MAP3K2: variants seen among roughly 807,000 people sequenced by gnomAD.
MAP3K2 encodes mitogen-activated protein kinase kinase kinase 2.
MAP3K2 carries 24 observed loss-of-function variants against 80.3 expected under a neutral mutation model. That is an observed-to-expected ratio of 0.30 (90% CI 0.22 to 0.42). The LOEUF (loss-of-function observed/expected upper bound fraction) is 0.42, where lower values mean the gene tolerates loss of function less well. MAP3K2 is among the 10% of genes least tolerant of loss of function. The pLI, the probability that MAP3K2 is intolerant of heterozygous loss-of-function variation, is 1.00. For synonymous variants in MAP3K2, 244 were observed against 253.7 expected (o/e 0.96, Z 0.36); for missense variants, 608 against 750.1 (o/e 0.81, Z 2.21).
rs1353002096 is a variant in MAP3K2 at position 127,321,770 on chromosome 2, T to C, written c.1045+276A>G. On this transcript the variant is annotated intron_variant, in intron 12 of 16. Coordinates refer to ENST00000682094, the MANE Select transcript of MAP3K2 (RefSeq NM_001371910.2). This position sits in a 1 kb window ranked among gnomAD's most constrained non-coding sequence, Gnocchi z 4.4. ...GAGATTATGTTTGAAATCTCAGTGG[T>C]AGGCATTCAACAAGGATATGTGGAA... is the stretch of plus-strand genomic sequence containing the variant. Among the ~76,000 whole-genome samples, 3 of 152,228 alleles carry C rather than the reference T, an allele frequency of 2.0e-5. No individual in the cohort carries two copies. Among genetic ancestry groups the C allele is most frequent in the Admixed American group, 2.0e-4 (3 of 15,280 alleles).
chr2:127,330,611 G>C, intron 5 of MAP3K2, 106 bp from the exon 6 acceptor site: 1 of 554,658 alleles, frequency 1.8e-6, no homozygotes, highest in Non-Finnish European at 3.2e-6. Context: ...CTTGCTCTTT[G>C]ATTTGTTACT....
intron 1 of MAP3K2, among the ~76,000 whole-genome samples, chr2:127,365,887 A>G (rs2104879233): frequency 6.6e-6 from 1 of 152,160 alleles, no homozygotes; most frequent in East Asian, 1.9e-4. Flanking sequence ...CCCTTATTCC[A>G]TAATATCATA....
rs1045759527 is a variant in MAP3K2 at position 127,298,834 on chromosome 2, C to T, written c.*8745G>A. On this transcript the variant is annotated 3_prime_UTR_variant, in exon 17 of 17. Coordinates refer to ENST00000682094, the MANE Select transcript of MAP3K2 (RefSeq NM_001371910.2). ...TTTTCATTGTGCTAATTATTGCAGG[C>T]CTTCATGCACGTAAACCTCAACAAA... 1 of 152,170 alleles carries T rather than the reference C, an allele frequency of 6.6e-6. No individual in the cohort carries two copies. The highest frequency in any genetic ancestry group is 1.9e-4 in the East Asian group (1 of 5,184). 9.4% of individuals were successfully genotyped at this position (152,170 alleles called of 1,614,324 possible). A position where few individuals can be genotyped will look rare whatever the true frequency, so the allele number is the denominator to read the frequency against.
chr2:127,352,823 C>T (rs975864641), intron 1 of MAP3K2, among the ~76,000 whole-genome samples: 2 of 152,030 alleles, frequency 1.3e-5, no homozygotes, highest in African/African-American at 2.4e-5. Flanking sequence ...CTCAGCCTGC[C>T]GAGTGCCTGC....
intron 2 of MAP3K2, among the ~76,000 whole-genome samples, chr2:127,341,649 C>A (rs945796406): frequency 1.3e-5 from 2 of 150,438 alleles, no homozygotes; most frequent in African/African-American, 4.9e-5. Flanking sequence ...TCTCCTGGCT[C>A]AGCCTCCTGA....
intron 1 of MAP3K2, among the ~76,000 whole-genome samples, chr2:127,358,917 TAA>T (rs564351324): frequency 3.8e-5 from 5 of 133,270 alleles, no homozygotes; most frequent in East Asian, 2.1e-4. Flanking sequence ...TCCAAAACAA[TAA>T]AAAAAAAAAA....
intron 3 of MAP3K2, 68 bp from the exon 4 acceptor site, chr2:127,337,846 T>A: frequency 1.1e-6 from 1 of 919,708 alleles, no homozygotes; most frequent in South Asian, 1.8e-5. Context: ...ATAAAATTTC[T>A]ACAATTTCTA....
chr2:127,370,114 G>A (rs1301346400), intron 1 of MAP3K2, among the ~76,000 whole-genome samples: 2 of 142,904 alleles, frequency 1.4e-5, no homozygotes, highest in Non-Finnish European at 3.1e-5. Flanking sequence ...GACTAGCGGG[G>A]GGTGGGGGTG....
At chr2:127,308,527 C>A in intron 16 of MAP3K2, 58 bp downstream of exon 16, 1 of 1,426,276 alleles carries the variant, frequency 7.0e-7, no homozygotes, top group Non-Finnish European at 9.4e-7. Flanking sequence ...AATTCAATCC[C>A]AGGTGGAAAT....
chr2:127,387,811 A>C lies in MAP3K2; in HGVS notation c.-425T>G. 1 of 984,832 alleles carries C rather than the reference A, an allele frequency of 1.0e-6. No homozygotes were observed. Among genetic ancestry groups the C allele is most frequent in the Non-Finnish European group, 1.2e-6 (1 of 829,726 alleles). The allele number at this position is 984,832 out of a possible 1,614,324, so 61.0% of individuals were successfully genotyped here. On this transcript the variant is annotated 5_prime_UTR_variant, in exon 1 of 17. Coordinates refer to ENST00000682094, the MANE Select transcript of MAP3K2 (RefSeq NM_001371910.2). ...CGCTAGAGACCGGAGAAGAGGCGGG[A>C]GTGGCGACTCTGCGGACAGGGGCGC...
chr2:127,387,972 T>C lies in MAP3K2; in HGVS notation c.-586A>G. 9.1e-6 allele frequency: 9 copies of C among 984,112 alleles called. No homozygotes were observed. The highest frequency in any genetic ancestry group is 9.6e-6 in the Non-Finnish European group (8 of 829,506). The allele number at this position is 984,112 out of a possible 1,614,324, so 61.0% of individuals were successfully genotyped here. On this transcript the variant is annotated 5_prime_UTR_variant, in exon 1 of 17. Transcript: ENST00000682094. Reference sequence around the variant, plus strand: ...CCGGCAGCCACTACACACGGACCCGTGACGTCGGGCGTAGCGCGGCGCACG... The same window carrying C: ...CCGGCAGCCACTACACACGGACCCGCGACGTCGGGCGTAGCGCGGCGCACG...
At chr2:127,374,025 A>G (rs1164266609) in intron 1 of MAP3K2, among the ~76,000 whole-genome samples, 1 of 152,182 alleles carries the variant, frequency 6.6e-6, no homozygotes. Context: ...CCCCATACCT[A>G]ATGCTTTAAC....
intron 1 of MAP3K2, among the ~76,000 whole-genome samples, chr2:127,348,049 A>G (rs1431169419): frequency 6.6e-6 from 1 of 152,148 alleles, no homozygotes; most frequent in East Asian, 1.9e-4. Context: ...AATGTCCATC[A>G]ACTGATGAAG....
intron 11 of MAP3K2, among the ~76,000 whole-genome samples, chr2:127,323,125 G>C (rs1329707906): frequency 6.6e-6 from 1 of 151,072 alleles, no homozygotes; most frequent in African/African-American, 2.4e-5. Context: ...AATTAGGCCG[G>C]GCACGGTGGC....
intron 1 of MAP3K2, among the ~76,000 whole-genome samples, chr2:127,366,164 G>C (rs1404288761): frequency 6.6e-6 from 1 of 152,128 alleles, no homozygotes; most frequent in Non-Finnish European, 1.5e-5. Context: ...TTTGCAAAAA[G>C]CAATATTTAA....
rs114090016 is a variant in MAP3K2 at position 127,387,063 on chromosome 2, A to G, written c.-66+389T>C. On this transcript the variant is annotated intron_variant, in intron 1 of 16. Transcript: ENST00000682094. ...GCTACCTAAATATTCCGTAAAGAGA[A>G]AAGGGGGAAACAACCTTACATCAAA... 5.1e-3 allele frequency among the ~76,000 whole-genome samples: 777 copies of G among 152,202 alleles called. 11 individuals are homozygous for G. The highest frequency in any genetic ancestry group is 0.018 in the African/African-American group (738 of 41,462).
rs896204451 is a variant in MAP3K2, at chr2:127,322,759, A to G, written c.839-507T>C. Among the ~76,000 whole-genome samples, 1 of 151,438 alleles carries G rather than the reference A, an allele frequency of 6.6e-6. No homozygotes were observed. Among genetic ancestry groups the G allele is most frequent in the East Asian group, 2.0e-4 (1 of 5,056 alleles). On this transcript the variant is annotated intron_variant, in intron 11 of 16. Transcript: ENST00000682094. This position sits in a 1 kb window ranked among gnomAD's most constrained non-coding sequence, Gnocchi z 4.2. ...CAGGCGCCCACCACCATGCCCAGCTAATTTTTTGTATTTTTAGTAGAGACG... is the reference window on the plus strand; with the variant it reads ...CAGGCGCCCACCACCATGCCCAGCTGATTTTTTGTATTTTTAGTAGAGACG...
intron 1 of MAP3K2, among the ~76,000 whole-genome samples, chr2:127,362,933 G>A (rs1278015146): frequency 2.0e-5 from 3 of 152,112 alleles, no homozygotes; most frequent in African/African-American, 7.2e-5. Context: ...TGCACATTCC[G>A]CATGTGTGGA....
chr2:127,344,915 G>A (rs1686569576), intron 1 of MAP3K2, among the ~76,000 whole-genome samples: 1 of 152,126 alleles, frequency 6.6e-6, no homozygotes, highest in African/African-American at 2.4e-5. Context: ...CCAGGCTGAG[G>A]TGCACTGGCA....
Sources: allele counts gnomAD v4.1 joint callset (sites outside exome capture counted in the v4.1 genomes callset), GRCh38; gene constraint gnomAD v4.1.1; non-coding constraint Gnocchi (gnomAD v3.1); transcripts MANE v1.5; gene names NCBI Gene and HGNC (gene_info 2026-07-23, HGNC 2026-07-21).